CACNA2D3: variants seen among roughly 807,000 people sequenced by gnomAD.
CACNA2D3 encodes the protein calcium voltage-gated channel auxiliary subunit alpha2delta 3.
In CACNA2D3, 60 loss-of-function variants were observed where a neutral mutation model predicts 160.6. The ratio of observed to expected loss-of-function variants is 0.37; its 90% CI spans 0.30 to 0.46. The LOEUF (loss-of-function observed/expected upper bound fraction) is 0.46, where lower values mean the gene tolerates loss of function less well. Among genes scored for constraint, CACNA2D3 ranks in the 20% least tolerant of loss-of-function variants. The pLI is 1.00. For missense variants in CACNA2D3, 1,205 were observed against 1,365.0 expected, an observed-to-expected ratio of 0.88 and a Z score of 1.85; for synonymous variants, 558 against 492.9, an observed-to-expected ratio of 1.13 and a Z score of -1.75.
chr3:54,856,721 G>C (rs1040195681), intron 17 of CACNA2D3, among the ~76,000 whole-genome samples: 1 of 152,208 alleles, frequency 6.6e-6, no homozygotes, highest in Non-Finnish European at 1.5e-5. Context: ...GTCGGGAGAG[G>C]TACCTGCCTT....
intron 13 of CACNA2D3, among the ~76,000 whole-genome samples, chr3:54,784,309 T>C (rs1389039787): frequency 6.6e-6 from 1 of 152,200 alleles, no homozygotes; most frequent in Non-Finnish European, 1.5e-5. Context: ...GCTGGAGGCC[T>C]TCCAGGAAGC....
chr3:55,024,673 C>T (rs551066219), intron 35 of CACNA2D3, among the ~76,000 whole-genome samples: 7 of 152,180 alleles, frequency 4.6e-5, no homozygotes, highest in South Asian at 4.2e-4. Context: ...AATAAATTTC[C>T]GTTGTTTATA....
chr3:54,438,608 T>A (rs1342118143), intron 4 of CACNA2D3, among the ~76,000 whole-genome samples: 2 of 152,224 alleles, frequency 1.3e-5, no homozygotes, highest in Admixed American at 6.5e-5. Context: ...TAAGGTGGCC[T>A]GTCTTTTGTA....
intron 2 of CACNA2D3, among the ~76,000 whole-genome samples, chr3:54,260,193 C>G (rs560330716): frequency 6.6e-6 from 1 of 151,978 alleles, no homozygotes; most frequent in African/African-American, 2.4e-5. Flanking sequence ...CTACTGATCT[C>G]TTTTTTCTCT....
At chr3:54,687,121 C>CTTATTTTTTTTTTTTTTTTTTTTTTT (rs1700464388) in intron 11 of CACNA2D3, among the ~76,000 whole-genome samples, 1 of 94,934 alleles carries the variant, frequency 1.1e-5, no homozygotes, top group Non-Finnish European at 2.1e-5. Context: ...TTTTCTTTTT[C>CTTATTTTTTTTTTTTTTTTTTTTTTT]TTTTTTTTTT....
At chr3:54,132,361 G>A (rs928987371) in intron 2 of CACNA2D3, among the ~76,000 whole-genome samples, 1 of 152,224 alleles carries the variant, frequency 6.6e-6, no homozygotes, top group African/African-American at 2.4e-5. Flanking sequence ...GTGTGCGGGT[G>A]TATGTGTTTT....
At chr3:54,906,354 C>T (rs780643751) in intron 27 of CACNA2D3, among the ~76,000 whole-genome samples, 2 of 152,076 alleles carry the variant, frequency 1.3e-5, no homozygotes, top group Non-Finnish European at 2.9e-5. Flanking sequence ...AGAGGAAGTG[C>T]GCAGCCATGT....
At chr3:54,357,317 C>T (rs1484417879) in intron 3 of CACNA2D3, among the ~76,000 whole-genome samples, 1 of 152,172 alleles carries the variant, frequency 6.6e-6, no homozygotes, top group African/African-American at 2.4e-5. Flanking sequence ...TATTGAATAT[C>T]AAATCTTGCC....
chr3:54,270,270 A>G (rs1246134138), intron 2 of CACNA2D3, among the ~76,000 whole-genome samples: 2 of 152,320 alleles, frequency 1.3e-5, no homozygotes, highest in Non-Finnish European at 2.9e-5. Flanking sequence ...TTCATTTTGG[A>G]GATGATTTAG....
intron 35 of CACNA2D3, among the ~76,000 whole-genome samples, chr3:55,029,775 A>G (rs574715142): frequency 5.3e-5 from 8 of 152,350 alleles, no homozygotes; most frequent in African/African-American, 1.7e-4. Flanking sequence ...CATGAATAAT[A>G]TAATTTGTAG....
intron 5 of CACNA2D3, among the ~76,000 whole-genome samples, chr3:54,541,850 G>A (rs1280709100): frequency 6.6e-6 from 1 of 151,980 alleles, no homozygotes; most frequent in Non-Finnish European, 1.5e-5. Flanking sequence ...AGATTTAGGT[G>A]ATGGTTTCAT....
intron 11 of CACNA2D3, among the ~76,000 whole-genome samples, chr3:54,667,667 A>G (rs1331578576): frequency 6.6e-6 from 1 of 152,234 alleles, no homozygotes; most frequent in Non-Finnish European, 1.5e-5. Context: ...AAATAAGGTC[A>G]GGTGCCGTGG....
intron 4 of CACNA2D3, among the ~76,000 whole-genome samples, chr3:54,429,875 T>A (rs934632524): frequency 6.6e-6 from 1 of 152,206 alleles, no homozygotes; most frequent in Admixed American, 6.5e-5. Flanking sequence ...AAATTTAACA[T>A]CCGTGAAATA....
intron 2 of CACNA2D3, among the ~76,000 whole-genome samples, chr3:54,126,812 C>A (rs957434780): frequency 2.6e-5 from 4 of 152,198 alleles, no homozygotes; most frequent in African/African-American, 9.7e-5. Flanking sequence ...CAGGGGTTTC[C>A]GTTCACTTCA....
At chr3:54,690,480 C>T (rs1417445942) in intron 11 of CACNA2D3, among the ~76,000 whole-genome samples, 1 of 152,150 alleles carries the variant, frequency 6.6e-6, no homozygotes, top group South Asian at 2.1e-4. Context: ...CAATAAATAT[C>T]TGCTGAATGA....
intron 8 of CACNA2D3, among the ~76,000 whole-genome samples, chr3:54,578,836 G>A (rs1702629793): frequency 6.6e-6 from 1 of 152,186 alleles, no homozygotes; most frequent in African/African-American, 2.4e-5. Context: ...AATCCCCTCT[G>A]GAGCCCCCAC....
intron 2 of CACNA2D3, among the ~76,000 whole-genome samples, chr3:54,310,197 T>G (rs777444000): frequency 1.3e-5 from 2 of 152,140 alleles, no homozygotes; most frequent in African/African-American, 2.4e-5. Flanking sequence ...AAAAGTATTC[T>G]TTTGTGGCTG....
At chr3:54,626,076 C>T (rs2106813160) in intron 9 of CACNA2D3, 1 of 567,718 alleles carries the variant, frequency 1.8e-6, no homozygotes, top group Non-Finnish European at 3.2e-6. Flanking sequence ...TGGTGACTCC[C>T]CCTGCCAGTT....
intron 11 of CACNA2D3, among the ~76,000 whole-genome samples, chr3:54,696,532 G>T (rs1700669962): frequency 6.6e-6 from 1 of 152,128 alleles, no homozygotes; most frequent in East Asian, 1.9e-4. Flanking sequence ...TCAGGATGTG[G>T]TTATCAGCAG....
Sources: gnomAD v4.1 joint callset for allele counts (sites outside exome capture counted in the v4.1 genomes callset) on GRCh38, gnomAD v4.1.1 for gene constraint, MANE v1.5 for transcripts, NCBI Gene and HGNC (gene_info 2026-07-23, HGNC 2026-07-21) for gene names.